NEO1: variants seen among roughly 807,000 people sequenced by gnomAD.
The protein encoded by NEO1 is neogenin 1, also known as neogenin.
Under a neutral mutation model 159.7 loss-of-function variants are expected in NEO1, and 63 were observed. The ratio of observed to expected loss-of-function variants is 0.39; its 90% CI spans 0.32 to 0.49. The LOEUF (loss-of-function observed/expected upper bound fraction) is 0.49. Among genes scored for constraint, NEO1 ranks in the 20% least tolerant of loss-of-function variants. The probability of loss-of-function intolerance (pLI) is 0.85; values close to 1 mark genes in which losing one functional copy is unlikely to be tolerated. For synonymous variants in NEO1, 633 were observed against 662.0 expected (o/e 0.96, Z 0.67); for missense variants, 1,615 against 1,831.0 (o/e 0.88, Z 2.15).
intron 21 of NEO1, among the ~76,000 whole-genome samples, chr15:73,276,115 C>T (rs973602646): frequency 2.6e-5 from 4 of 152,180 alleles, no homozygotes; most frequent in Admixed American, 2.6e-4. Context: ...TAAATGGGCT[C>T]ATTGTTTTCT....
Position 73,263,378 on chromosome 15 carries a change from G to C in NEO1, c.2398+2913G>C, listed in dbSNP as rs576485884. Among the ~76,000 whole-genome samples, 3 of 152,080 alleles carry C rather than the reference G, an allele frequency of 2.0e-5. No homozygotes were observed. The South Asian group carries it at 6.2e-4, about 32-fold the overall frequency. ...CCAGCTAATTTTTGTATTTTTGGTA[G>C]AGATGGGGTTTCACCATGTTGCCCC... On this transcript the variant is annotated intron_variant, in intron 15 of 28. Transcript: ENST00000261908.
At chr15:73,260,527 T>A in intron 15 of NEO1, 62 bp downstream of exon 15, 1 of 1,361,060 alleles carries the variant, frequency 7.3e-7, no homozygotes, top group Non-Finnish European at 9.7e-7. Context: ...TAACCTTTTA[T>A]GTAATATTTT....
At chr15:73,086,801 C>T (rs1003020936) in intron 1 of NEO1, among the ~76,000 whole-genome samples, 3 of 69,654 alleles carry the variant, frequency 4.3e-5, no homozygotes, top group Non-Finnish European at 7.9e-5. Context: ...ATTACAGGCA[C>T]ATGCCACCCA....
rs200669573 is a variant in NEO1, at chr15:73,236,492, G to A, written c.1437G>A (p.Lys479=). The A allele has an allele frequency of 6.2e-7, 1 of 1,613,988 alleles. No individual in the cohort carries two copies. Among genetic ancestry groups the A allele is most frequent in the African/African-American group, 1.3e-5 (1 of 75,056 alleles). The change falls in exon 8 of 29, where the codon AAG becomes AAA. Residue 479 remains lysine, a synonymous_variant. Transcript: ENST00000261908. ...TTACCTACTCTGTGTTCTACACCAA[G>A]GAAGGGATTGCTAGGTAAGTGCCTG... ...DNLTYSVFYT[K]EGIARERVEN... is the part of the protein sequence containing the mutation.
chr15:73,068,175 T>G (rs2068319550), intron 1 of NEO1, among the ~76,000 whole-genome samples: 2 of 151,546 alleles, frequency 1.3e-5, no homozygotes, highest in South Asian at 4.2e-4. Flanking sequence ...ATTCATCAGT[T>G]GTGGAGCTAG....
At chr15:73,213,305 G>A (rs2037686182) in intron 7 of NEO1, among the ~76,000 whole-genome samples, 1 of 151,990 alleles carries the variant, frequency 6.6e-6, no homozygotes, top group South Asian at 2.1e-4. Flanking sequence ...AGTTATTAGG[G>A]TACAGGTGGT....
At chr15:73,248,054 G>A (rs890724943) in intron 9 of NEO1, among the ~76,000 whole-genome samples, 11 of 152,158 alleles carry the variant, frequency 7.2e-5, no homozygotes, top group African/African-American at 2.4e-4. Context: ...GGGAAAGATT[G>A]TTAACTTCAT....
At chr15:73,188,869 G>T (rs908514036) in intron 7 of NEO1, among the ~76,000 whole-genome samples, 1 of 152,074 alleles carries the variant, frequency 6.6e-6, no homozygotes, top group African/African-American at 2.4e-5. Flanking sequence ...GAGGCAAGAG[G>T]ATTACTTGAG....
intron 8 of NEO1, among the ~76,000 whole-genome samples, chr15:73,240,777 A>G (rs1029033940): frequency 6.6e-6 from 1 of 152,214 alleles, no homozygotes; most frequent in Non-Finnish European, 1.5e-5. Context: ...GGAAATATTT[A>G]AAAGGAAGAT....
chr15:73,224,985 C>T (rs2038494621), intron 7 of NEO1, among the ~76,000 whole-genome samples: 1 of 152,256 alleles, frequency 6.6e-6, no homozygotes, highest in South Asian at 2.1e-4. Context: ...GTACTTTGGT[C>T]CCATGGGGTG....
chr15:73,073,446 G>T (rs2068629458), intron 1 of NEO1, among the ~76,000 whole-genome samples: 1 of 152,140 alleles, frequency 6.6e-6, no homozygotes, highest in South Asian at 2.1e-4. Context: ...GGGTGTGTGT[G>T]TGTGTCTGTT....
chr15:73,195,679 A>T (rs2036496903), intron 7 of NEO1, among the ~76,000 whole-genome samples: 1 of 152,164 alleles, frequency 6.6e-6, no homozygotes. Context: ...CTTATATAGC[A>T]TGTATCTGAA....
intron 3 of NEO1, among the ~76,000 whole-genome samples, chr15:73,123,419 C>G (rs1057114283): frequency 6.6e-6 from 1 of 152,154 alleles, no homozygotes; most frequent in African/African-American, 2.4e-5. Flanking sequence ...GGTCTTTTCA[C>G]TTGTGCAAAT....
At chr15:73,186,407 AC>A (rs1319154263) in intron 7 of NEO1, among the ~76,000 whole-genome samples, 2 of 152,132 alleles carry the variant, frequency 1.3e-5, no homozygotes, top group African/African-American at 2.4e-5. Context: ...TGAAATAAAG[AC>A]CTTTTCAGAA....
intron 1 of NEO1, among the ~76,000 whole-genome samples, chr15:73,067,595 G>C (rs1053236632): frequency 1.3e-5 from 2 of 149,572 alleles, no homozygotes; most frequent in African/African-American, 4.9e-5. Flanking sequence ...GACTGCAGGC[G>C]CCTGCCACCA....
chr15:73,122,544 C>A lies in NEO1; in HGVS notation c.468C>A (p.Ser156Arg), dbSNP rs1266528600. The change falls in exon 3 of 29, where the codon AGC becomes AGA. Residue 156 changes from serine to arginine, a missense_variant. Coordinates refer to ENST00000261908, the MANE Select transcript of NEO1 (RefSeq NM_002499.4). ...LIVAGLPRFT[S>R]QPEPSSVYAG... is the part of the protein sequence containing the mutation. The stretch of plus-strand genomic sequence containing the variant: ...GTCCAGGTCTTCCAAGATTTACCAG[C>A]CAACCAGAACCTTCCTCAGTTTATG... The A allele has an allele frequency of 1.2e-6, 2 of 1,613,664 alleles. No individual in the cohort carries two copies. The highest frequency in any genetic ancestry group is 2.7e-5 in the African/African-American group (2 of 74,868).
upstream of NEO1, among the ~76,000 whole-genome samples, chr15:73,052,296 GCCCCCC>G (rs1163808451): frequency 2.1e-5 from 2 of 93,438 alleles, no homozygotes; most frequent in Non-Finnish European, 4.7e-5. Context: ...CGGGACTCCC[GCCCCCC>G]GCCCCCGCCC....
chr15:73,289,103 A>G (rs489531), intron 24 of NEO1, 43 bp from the exon 25 acceptor site: 668,536 of 1,534,182 alleles, frequency 0.44, 146,912 homozygotes, highest in East Asian at 0.62. Context: ...GCTCAGTGGC[A>G]TAGGGCACAT....
At chr15:73,053,547 A>G (rs185170361) in intron 1 of NEO1, among the ~76,000 whole-genome samples, 1 of 152,330 alleles carries the variant, frequency 6.6e-6, no homozygotes, top group East Asian at 1.9e-4. Flanking sequence ...GATTTTAGGT[A>G]CTTGTACAAT....
Sources: gnomAD v4.1 joint callset for allele counts (sites outside exome capture counted in the v4.1 genomes callset) on GRCh38, gnomAD v4.1.1 for gene constraint, MANE v1.5 for transcripts, NCBI Gene and HGNC (gene_info 2026-07-23, HGNC 2026-07-21) for gene names.